The following GSK3B variants were observed in gnomAD, a reference collection of about 807,000 sequenced individuals.
GSK3B encodes the protein glycogen synthase kinase-3 beta.
A neutral mutation model predicts 56.4 loss-of-function variants in GSK3B; 15 were observed. The observed-to-expected ratio is 0.27, with a 90% CI of 0.18 to 0.41. GSK3B has a LOEUF of 0.41. Ranked by LOEUF, GSK3B falls within the 10% of genes least tolerant of loss-of-function variation. The pLI, the probability that GSK3B is intolerant of heterozygous loss-of-function variation, is 1.00. For synonymous variants in GSK3B, 181 were observed against 188.9 expected, an observed-to-expected ratio of 0.96 and a Z score of 0.34; for missense variants, 300 against 513.4, an observed-to-expected ratio of 0.58 and a Z score of 4.02.
chr3:120,089,110 T>G (rs1236263634), intron 1 of GSK3B, among the ~76,000 whole-genome samples: 1 of 152,226 alleles, frequency 6.6e-6, no homozygotes, highest in Non-Finnish European at 1.5e-5. Context: ...GTGCAAGTAC[T>G]GATTTTCAGC....
intron 2 of GSK3B, among the ~76,000 whole-genome samples, chr3:120,001,426 C>A (rs986634327): frequency 6.6e-6 from 1 of 152,162 alleles, no homozygotes. Context: ...TTCATGCTCT[C>A]GCTCAGCTCT....
intron 2 of GSK3B, among the ~76,000 whole-genome samples, chr3:119,998,919 C>T (rs893312168): frequency 2.0e-5 from 3 of 152,178 alleles, no homozygotes; most frequent in Non-Finnish European, 2.9e-5. Context: ...ATTCAAATAA[C>T]GTACATTTAA....
chr3:120,024,822 C>A (rs2057909770), intron 1 of GSK3B, among the ~76,000 whole-genome samples: 1 of 151,816 alleles, frequency 6.6e-6, no homozygotes, highest in African/African-American at 2.4e-5. Flanking sequence ...AGGAGGGAAG[C>A]AATGGAGTGG....
At chr3:119,950,305 G>A (rs1182113104) in intron 2 of GSK3B, among the ~76,000 whole-genome samples, 1 of 152,136 alleles carries the variant, frequency 6.6e-6, no homozygotes, top group African/African-American at 2.4e-5. Flanking sequence ...TTTTACATAA[G>A]GAAGCCGGAG....
intron 9 of GSK3B, among the ~76,000 whole-genome samples, chr3:119,850,520 A>C (rs936564329): frequency 6.6e-6 from 1 of 152,072 alleles, no homozygotes; most frequent in African/African-American, 2.4e-5. Context: ...GTAAGTCCAC[A>C]CTTTTTATGG....
intron 2 of GSK3B, among the ~76,000 whole-genome samples, chr3:120,001,415 C>G (rs1273963701): frequency 1.3e-5 from 2 of 152,286 alleles, no homozygotes; most frequent in South Asian, 4.1e-4. Context: ...GGATCTCCCC[C>G]TTCATGCTCT....
At chr3:119,873,474 G>A (rs1215214214) in intron 8 of GSK3B, among the ~76,000 whole-genome samples, 2 of 152,006 alleles carry the variant, frequency 1.3e-5, no homozygotes, top group African/African-American at 4.8e-5. Context: ...AGTGGTTCCT[G>A]TTTCCAGACT....
chr3:120,027,066 CAAA>C (rs757528334), intron 1 of GSK3B, among the ~76,000 whole-genome samples: 2 of 87,682 alleles, frequency 2.3e-5, no homozygotes, highest in Non-Finnish European at 2.4e-5. Flanking sequence ...GCAAGACTTC[CAAA>C]AAAAAAAAAA....
rs543887526 is a variant in GSK3B, at chr3:119,952,804, C to T, written c.283-5453G>A. On this transcript the variant is annotated intron_variant, in intron 2 of 10. Transcript: ENST00000264235. ...GCAAGAAAGGAAGAATAAAGACATC[C>T]TCACACTTAAAAAAAAAGATGGAGA... Among the ~76,000 whole-genome samples the T allele has an allele frequency of 7.9e-5, 12 of 151,772 alleles. No homozygotes were observed. In the South Asian group the frequency reaches 1.5e-3, roughly 18 times the overall value.
At chr3:120,004,752 C>A (rs1559872672) in intron 1 of GSK3B, among the ~76,000 whole-genome samples, 1 of 152,192 alleles carries the variant, frequency 6.6e-6, no homozygotes, top group Admixed American at 6.5e-5. Context: ...GACATCCACA[C>A]CAAAACCCCA....
At position 120,038,796 on chromosome 3, in the gene GSK3B, A is replaced by G. The variant is rs1013439489; in HGVS notation, c.89-36557T>C. 6.6e-5 allele frequency among the ~76,000 whole-genome samples: 10 copies of G among 152,134 alleles called. No homozygotes were observed. In the East Asian group the frequency reaches 1.4e-3, roughly 21 times the overall value. On this transcript the variant is annotated intron_variant, in intron 1 of 10. Coordinates refer to ENST00000264235, the MANE Select transcript of GSK3B (RefSeq NM_001146156.2). Reference sequence around the variant, plus strand: ...TTGGTTTGACGAGGACTTTTTACATACAACACCAAAAGCACAGTCCATAAA... The same window carrying G: ...TTGGTTTGACGAGGACTTTTTACATGCAACACCAAAAGCACAGTCCATAAA...
At position 119,822,165 on chromosome 3, in the gene GSK3B, TAC is replaced by T. The variant is rs2055419015; in HGVS notation, c.*4621_*4622del. On this transcript the variant is annotated 3_prime_UTR_variant, in exon 11 of 11. Coordinates refer to ENST00000264235, the MANE Select transcript of GSK3B (RefSeq NM_001146156.2). ...AGGCATTCAAGTAGTAATAATGTTATACAGATTTTGCTTTTCCTTTATATCAA... is the reference window on the plus strand; with the variant it reads ...AGGCATTCAAGTAGTAATAATGTTATAGATTTTGCTTTTCCTTTATATCAA... 1 of 192,652 alleles carries T rather than the reference TAC, an allele frequency of 5.2e-6. No individual in the cohort carries two copies. The highest frequency in any genetic ancestry group is 1.1e-5 in the Non-Finnish European group (1 of 92,820). The allele number at this position is 192,652 out of a possible 1,614,324, so 11.9% of individuals were successfully genotyped here.
At chr3:120,060,465 C>A (rs577092222) in intron 1 of GSK3B, among the ~76,000 whole-genome samples, 3 of 152,076 alleles carry the variant, frequency 2.0e-5, no homozygotes, top group Non-Finnish European at 4.4e-5. Flanking sequence ...CAGTGGCTCA[C>A]CCCTGTAATC....
chr3:119,936,318 A>AATATAAAT (rs2056993161), intron 3 of GSK3B, among the ~76,000 whole-genome samples: 2 of 145,646 alleles, frequency 1.4e-5, no homozygotes, highest in South Asian at 4.2e-4. Context: ...TATATATAAA[A>AATATAAAT]ATATAAATAT....
At chr3:119,958,488 C>A (rs1288562679) in intron 2 of GSK3B, among the ~76,000 whole-genome samples, 38 of 152,052 alleles carry the variant, frequency 2.5e-4, no homozygotes, top group Non-Finnish European at 4.4e-5. Flanking sequence ...ACCAGCCTGA[C>A]AACACAGGGA....
At chr3:119,922,520 C>CTATTAT (rs539174362) in intron 4 of GSK3B, among the ~76,000 whole-genome samples, 7 of 146,808 alleles carry the variant, frequency 4.8e-5, no homozygotes, top group Admixed American at 6.8e-5. Flanking sequence ...TGAAGAACTT[C>CTATTAT]TATTATTATT....
intron 9 of GSK3B, among the ~76,000 whole-genome samples, chr3:119,848,507 C>G (rs562319884): frequency 6.6e-6 from 1 of 152,010 alleles, no homozygotes; most frequent in African/African-American, 2.4e-5. Context: ...CTAGTACATT[C>G]GCAAGGTTTA....
chr3:120,082,684 G>A (rs947368807), intron 1 of GSK3B, among the ~76,000 whole-genome samples: 2 of 151,788 alleles, frequency 1.3e-5, no homozygotes, highest in South Asian at 2.1e-4. Flanking sequence ...ATGAGCCACC[G>A]CGCCCGGCCC....
At chr3:120,027,503 A>G (rs1257798527) in intron 1 of GSK3B, among the ~76,000 whole-genome samples, 1 of 152,204 alleles carries the variant, frequency 6.6e-6, no homozygotes, top group Admixed American at 6.5e-5. Context: ...ATTTACACAG[A>G]TATTCATTAA....
Sources: allele counts gnomAD v4.1 joint callset (sites outside exome capture counted in the v4.1 genomes callset), GRCh38; gene constraint gnomAD v4.1.1; transcripts MANE v1.5; gene names NCBI Gene and HGNC (gene_info 2026-07-23, HGNC 2026-07-21).